Variants in COL4A2 observed in about 807,000 individuals in gnomAD.
The protein encoded by COL4A2 is collagen alpha-2(IV) chain.
Under a neutral mutation model 200.2 loss-of-function variants are expected in COL4A2, and 99 were observed. That is an observed-to-expected ratio of 0.49 (90% CI 0.42 to 0.58). COL4A2 has a LOEUF of 0.58. COL4A2 is among the 20% of genes least tolerant of loss of function. The pLI, the probability that COL4A2 is intolerant of heterozygous loss-of-function variation, is 0.00. For missense variants in COL4A2, 1,950 were observed against 2,314.1 expected, an observed-to-expected ratio of 0.84 and a Z score of 3.23; for synonymous variants, 897 against 900.6, an observed-to-expected ratio of 1.00 and a Z score of 0.07.
Position 110,512,132 on chromosome 13 carries a change from A to G in COL4A2, c.5080A>G (p.Lys1694Glu), listed in dbSNP as rs1476309830. 1.9e-6 allele frequency: 3 copies of G among 1,613,450 alleles called. No homozygotes were observed. The highest frequency in any genetic ancestry group is 3.3e-5 in the Admixed American group (2 of 60,022). Residue 1694 changes from lysine (K) to glutamate (E), a missense_variant, in exon 48 of 48, where the codon AAG (lysine) becomes GAG (glutamate). By Grantham distance (56) the Lys-to-Glu change is moderately conservative. This residue lies in a region of COL4A2 where 1,385 missense variants were observed against 1,720.5 expected (regional missense o/e 0.80). Transcript: ENST00000360467. ...FQGSPSADTLKAGLIRTHISR... is the reference protein window; with the variant it reads ...FQGSPSADTLEAGLIRTHISR... ...GGGCTCGCCCTCCGCCGACACGCTC[A>G]AGGCCGGCCTCATCCGCACACACAT...
chr13:110,458,632 G>A, intron 21 of COL4A2, 139 bp from the exon 22 acceptor site: 1 of 958,586 alleles, frequency 1.0e-6, no homozygotes, highest in Non-Finnish European at 1.6e-6. Context: ...AGAAATGGGG[G>A]TCATAGTGCC....
In COL4A2 at chr13:110,408,824, TGCAC is replaced by T. The variant is rs1879689852; in HGVS notation, c.181-15909_181-15906del. Among the ~76,000 whole-genome samples, 5 of 108,414 alleles carry T rather than the reference TGCAC, an allele frequency of 4.6e-5. 1 individual carries two copies. Among genetic ancestry groups the T allele is most frequent in the Non-Finnish European group, 8.0e-5 (4 of 49,830 alleles). 71.1% of individuals were successfully genotyped at this position (108,414 alleles called of 152,430 possible). ...GCACACATATATATACACACACACA[TGCAC>T]ACACACATACACGCACACATATACA... On this transcript the variant is annotated intron_variant, in intron 4 of 47. Coordinates refer to ENST00000360467, the MANE Select transcript of COL4A2 (RefSeq NM_001846.4).
chr13:110,484,420 C>T (rs1883041033), intron 32 of COL4A2, among the ~76,000 whole-genome samples: 1 of 152,082 alleles, frequency 6.6e-6, no homozygotes, highest in Non-Finnish European at 1.5e-5. Context: ...GGGCCCCTCC[C>T]CTCCTGCAAT....
intron 22 of COL4A2, 42 bp from the exon 23 acceptor site, chr13:110,462,072 C>T (rs1594086064): frequency 6.2e-7 from 1 of 1,610,744 alleles, no homozygotes; most frequent in Non-Finnish European, 8.5e-7. Flanking sequence ...GATGCCCTCA[C>T]AGTACAAAGA....
intron 4 of COL4A2, among the ~76,000 whole-genome samples, chr13:110,390,011 T>C (rs1878927273): frequency 6.6e-6 from 1 of 152,378 alleles, no homozygotes; most frequent in Admixed American, 6.5e-5. Context: ...AACTCAGTTT[T>C]ATTAAATGCC....
intron 3 of COL4A2, among the ~76,000 whole-genome samples, chr13:110,337,424 G>A (rs1275502569): frequency 6.6e-6 from 1 of 152,258 alleles, no homozygotes; most frequent in East Asian, 1.9e-4. Flanking sequence ...AAGCGTTCCA[G>A]CGGCATCTGC....
intron 3 of COL4A2, among the ~76,000 whole-genome samples, chr13:110,351,247 G>A (rs573107461): frequency 2.1e-4 from 32 of 151,988 alleles, no homozygotes; most frequent in South Asian, 4.2e-4. Flanking sequence ...TTGTTTGTTC[G>A]TTTGTTTTGT....
In COL4A2 at chr13:110,441,425, A is replaced by G. The variant is rs77864280; in HGVS notation, c.957+1592A>G. ...ACACCAATCTTGATGACTTCCTGCAACCTCCAATGATCATACTGTTCCCAT... is the reference window on the plus strand; with the variant it reads ...ACACCAATCTTGATGACTTCCTGCAGCCTCCAATGATCATACTGTTCCCAT... On this transcript the variant is annotated intron_variant, in intron 16 of 47. Transcript: ENST00000360467. 3.3e-3 allele frequency among the ~76,000 whole-genome samples: 500 copies of G among 152,254 alleles called. 1 individual carries two copies. The highest frequency in any genetic ancestry group is 0.011 in the African/African-American group (477 of 41,514).
chr13:110,472,914 C>T lies in COL4A2; in HGVS notation c.2204-15C>T. On this transcript the variant is annotated splice_polypyrimidine_tract_variant and intron_variant, in intron 28 of 47. Coordinates refer to ENST00000360467, the MANE Select transcript of COL4A2 (RefSeq NM_001846.4). ...GCTAACTTGTGGTTTGGGGCCCACC[C>T]ATGTTTCCTTTTAGGGTTCATAGGA... 1 of 1,548,778 alleles carries T rather than the reference C, an allele frequency of 6.5e-7. No homozygotes were observed. The highest frequency in any genetic ancestry group is 8.7e-7 in the Non-Finnish European group (1 of 1,144,686).
At chr13:110,324,768 A>G (rs1885362915) in intron 3 of COL4A2, among the ~76,000 whole-genome samples, 1 of 152,210 alleles carries the variant, frequency 6.6e-6, no homozygotes, top group Admixed American at 6.5e-5. Flanking sequence ...CTTTCTAGCA[A>G]TAGAAAAATG....
Position 110,492,062 on chromosome 13 carries a change from AC to A in COL4A2, c.3455-3del. Reference sequence around the variant, plus strand: ...TGTGCTCAGACTTAATGCTGTGTTCACCCCCAGGCTTTCCAGGGCTGACTGG... The same window carrying A: ...TGTGCTCAGACTTAATGCTGTGTTCACCCCAGGCTTTCCAGGGCTGACTGG... On this transcript the variant is annotated splice_polypyrimidine_tract_variant and splice_region_variant and intron_variant, in intron 37 of 47. Coordinates refer to ENST00000360467, the MANE Select transcript of COL4A2 (RefSeq NM_001846.4). 1 of 1,550,304 alleles carries A rather than the reference AC, an allele frequency of 6.5e-7. No homozygotes were observed.
chr13:110,430,726 G>A lies in COL4A2; in HGVS notation c.648+119G>A. On this transcript the variant is annotated intron_variant, in intron 10 of 47. Coordinates refer to ENST00000360467, the MANE Select transcript of COL4A2 (RefSeq NM_001846.4). ...TTTAAGAACAACTATGATGCTTATAGGCGTAGCAGAGAACATCAAGACAAA... is the reference window on the plus strand; with the variant it reads ...TTTAAGAACAACTATGATGCTTATAAGCGTAGCAGAGAACATCAAGACAAA... 3.0e-6 allele frequency: 4 copies of A among 1,352,956 alleles called. No homozygotes were observed. In the South Asian group the frequency reaches 4.7e-5, roughly 16 times the overall value. 83.8% of individuals were successfully genotyped at this position (1,352,956 alleles called of 1,614,324 possible). A position where few individuals can be genotyped will look rare whatever the true frequency, so the allele number is the denominator to read the frequency against.
At chr13:110,491,378 G>T (rs763373003) in intron 37 of COL4A2, 38 bp downstream of exon 37, 33 of 1,399,352 alleles carry the variant, frequency 2.4e-5, no homozygotes, top group Admixed American at 7.8e-5. Context: ...TCCTCAGGCA[G>T]GCCCTCCGGA....
At chr13:110,359,864 C>T (rs942942360) in intron 4 of COL4A2, among the ~76,000 whole-genome samples, 1 of 152,226 alleles carries the variant, frequency 6.6e-6, no homozygotes, top group Admixed American at 6.5e-5. Flanking sequence ...GCTCCCATCT[C>T]TCCACCTGCT....
chr13:110,502,617 G>T (rs405044), intron 41 of COL4A2: 144,780 of 152,976 alleles, frequency 0.95, 68,986 homozygotes, highest in East Asian at 1. Context: ...AAGCCACCTT[G>T]CCCAGCCTTT....
intron 3 of COL4A2, among the ~76,000 whole-genome samples, chr13:110,337,357 G>A (rs1016151397): frequency 1.3e-5 from 2 of 152,244 alleles, no homozygotes; most frequent in Non-Finnish European, 1.5e-5. Flanking sequence ...TAACTAATAA[G>A]TGCCAGTGAG....
In COL4A2 at chr13:110,474,850, A is replaced by C. The variant is rs11617583; in HGVS notation, c.2425+1700A>C. 6.0e-3 allele frequency among the ~76,000 whole-genome samples: 365 copies of C among 60,514 alleles called. 7 individuals are homozygous for C. Among genetic ancestry groups the C allele is most frequent in the South Asian group, 7.2e-3 (13 of 1,796 alleles). 39.7% of individuals were successfully genotyped at this position (60,514 alleles called of 152,430 possible). ...CCACACACGTGCCTGTGCATGCTCA[A>C]ACATGATCACACACTCCATACACAC... On this transcript the variant is annotated intron_variant, in intron 29 of 47. Coordinates refer to ENST00000360467, the MANE Select transcript of COL4A2 (RefSeq NM_001846.4).
At chr13:110,339,757 G>A (rs1198927171) in intron 3 of COL4A2, among the ~76,000 whole-genome samples, 2 of 152,146 alleles carry the variant, frequency 1.3e-5, no homozygotes, top group Non-Finnish European at 2.9e-5. Context: ...AAACTTGGTG[G>A]GAGGAAAAAA....
chr13:110,320,441 C>T lies in COL4A2; in HGVS notation c.99+12318C>T, dbSNP rs969086638. ...TGGTCTAGAAACAAATGAGTTATTT[C>T]ACTCAGGAGGGGGAAGGAAGTCAGA... On this transcript the variant is annotated intron_variant, in intron 3 of 47. Coordinates refer to ENST00000360467, the MANE Select transcript of COL4A2 (RefSeq NM_001846.4). Among the ~76,000 whole-genome samples, 3 of 152,304 alleles carry T rather than the reference C, an allele frequency of 2.0e-5. No homozygotes were observed. The South Asian group carries it at 6.2e-4, about 32-fold the overall frequency.
Sources: gnomAD v4.1 joint callset for allele counts (sites outside exome capture counted in the v4.1 genomes callset) on GRCh38, gnomAD v4.1.1 for gene constraint, gnomAD v4.1.1 regional missense constraint, MANE v1.5 for transcripts, NCBI Gene and HGNC (gene_info 2026-07-23, HGNC 2026-07-21) for gene names.